The following FAM131B variants were observed in gnomAD, a reference collection of about 807,000 sequenced individuals.
The protein encoded by FAM131B is family with sequence similarity 131 member B.
A neutral mutation model predicts 42.0 loss-of-function variants in FAM131B; 19 were observed. The ratio of observed to expected loss-of-function variants is 0.45; its 90% CI spans 0.32 to 0.66. The LOEUF (loss-of-function observed/expected upper bound fraction) is 0.66. FAM131B is among the 30% of genes least tolerant of loss of function. FAM131B has a pLI of 0.05. For synonymous variants in FAM131B, 183 were observed against 177.6 expected (o/e 1.03, Z -0.24); for missense variants, 370 against 468.4 (o/e 0.79, Z 1.94).
chr7:143,381,719 C>G, the FAM131B span: 2 of 1,602,072 alleles, frequency 1.2e-6, no homozygotes, highest in African/African-American at 2.7e-5. Context: ...TCCCCCGGCA[C>G]CCGGGGCCCA....
the FAM131B span, among the ~76,000 whole-genome samples, chr7:143,371,613 CAAAAAAA>C: frequency 2.7e-5 from 2 of 75,012 alleles, no homozygotes; most frequent in Non-Finnish European, 5.2e-5. Flanking sequence ...GACCCTGTCT[CAAAAAAA>C]AAAAAAAAAA....
upstream of FAM131B, among the ~76,000 whole-genome samples, chr7:143,364,709 T>G (rs149167331): frequency 4.7e-3 from 712 of 152,296 alleles, 3 homozygotes; most frequent in Middle Eastern, 0.014. Context: ...CCTGGCCAGC[T>G]TCCTTCCTGC....
At chr7:143,362,779 G>C (rs1365759082), upstream of FAM131B, 3 of 192,020 alleles carry the variant, frequency 1.6e-5, no homozygotes, top group Non-Finnish European at 2.9e-5. This position sits in a 1 kb window ranked among gnomAD's most constrained non-coding sequence, Gnocchi z 7.7. Context: ...CGCCGCCGCC[G>C]CCGCCGCCGC....
chr7:143,366,801 G>A (rs1346796800), upstream of FAM131B, among the ~76,000 whole-genome samples: 1 of 152,130 alleles, frequency 6.6e-6, no homozygotes, highest in Non-Finnish European at 1.5e-5. Context: ...CAGGCGATCT[G>A]CCCGCCTTGG....
upstream of FAM131B, chr7:143,362,730 C>A (rs988218554): frequency 8.5e-6 from 3 of 351,308 alleles, no homozygotes; most frequent in Non-Finnish European, 1.4e-5. The surrounding 1 kb of genome is among the most constrained non-coding windows in gnomAD (Gnocchi z 7.7). Flanking sequence ...CTCCGCTCCC[C>A]CCTCCCCTCT....
At chr7:143,372,048 G>A in the FAM131B span, among the ~76,000 whole-genome samples, 5 of 152,348 alleles carry the variant, frequency 3.3e-5, no homozygotes, top group East Asian at 9.6e-4. Flanking sequence ...GAGATGTGGA[G>A]AGAGAGGAGA....
the FAM131B span, among the ~76,000 whole-genome samples, chr7:143,371,054 T>C: frequency 6.6e-6 from 1 of 152,196 alleles, no homozygotes; most frequent in Non-Finnish European, 1.5e-5. Context: ...CGGCTGCTCC[T>C]TCTTTGTCTT....
chr7:143,379,359 G>A, the FAM131B span, among the ~76,000 whole-genome samples: 1 of 152,168 alleles, frequency 6.6e-6, no homozygotes, highest in Non-Finnish European at 1.5e-5. Context: ...TGGCTTGAGC[G>A]TGTCAGAGAG....
At chr7:143,361,946 G>C (rs1032224888) in intron 1 of FAM131B, 28 of 366,996 alleles carry the variant, frequency 7.6e-5, no homozygotes, top group Non-Finnish European at 1.0e-4. Context: ...CCCTCCACCC[G>C]GCCCTGGCCC....
chr7:143,368,079 C>T, the FAM131B span, among the ~76,000 whole-genome samples: 1 of 152,214 alleles, frequency 6.6e-6, no homozygotes, highest in Non-Finnish European at 1.5e-5. Context: ...GGAAGAATGT[C>T]AGCGCTTTCC....
At chr7:143,370,869 C>T in the FAM131B span, among the ~76,000 whole-genome samples, 1 of 152,168 alleles carries the variant, frequency 6.6e-6, no homozygotes, top group Non-Finnish European at 1.5e-5. Flanking sequence ...CAAGAACCCT[C>T]TCTTGGGGTC....
rs774486508 is a variant in FAM131B at position 143,356,676 on chromosome 7, C to T, written c.957G>A (p.Arg319=). 1.2e-6 allele frequency: 2 copies of T among 1,614,082 alleles called. No homozygotes were observed. The highest frequency in any genetic ancestry group is 2.2e-5 in the South Asian group (2 of 91,076). The change falls in exon 7 of 7, where the codon CGG becomes CGA. Residue 319 remains arginine, a synonymous_variant. Coordinates refer to ENST00000443739, the MANE Select transcript of FAM131B (RefSeq NM_001031690.3). This position sits in a 1 kb window ranked among gnomAD's most constrained non-coding sequence, Gnocchi z 4.4. ...APEEEEDAGC[R]DLESLSPRED... ...CTCGTGGGGAAAGTGACTCCAGGTCCCGGCATCCCGCATCCTCTTCCTCCT... is the reference window on the plus strand; with the variant it reads ...CTCGTGGGGAAAGTGACTCCAGGTCTCGGCATCCCGCATCCTCTTCCTCCT...
At chr7:143,373,053 G>A in the FAM131B span, among the ~76,000 whole-genome samples, 2 of 151,908 alleles carry the variant, frequency 1.3e-5, no homozygotes, top group South Asian at 2.1e-4. Flanking sequence ...TGGGTATATA[G>A]GCTTACTCAT....
the FAM131B span, among the ~76,000 whole-genome samples, chr7:143,374,132 T>C: frequency 2.6e-5 from 4 of 152,200 alleles, no homozygotes; most frequent in Non-Finnish European, 4.4e-5. Context: ...TGGAGGTAGA[T>C]GACTTATAAA....
rs1178031143 is a variant in FAM131B at position 143,359,443 on chromosome 7, G to A, written c.175-24C>T. ...AGCTGGGATGGGAATGTGGGAGGAA[G>A]GGCAGAGGAATAAGAAGGTACGGGC... On this transcript the variant is annotated intron_variant, in intron 3 of 6. Transcript: ENST00000443739. The surrounding 1 kb of genome is among the most constrained non-coding windows in gnomAD (Gnocchi z 5.4). 2 of 1,569,152 alleles carry A rather than the reference G, an allele frequency of 1.3e-6. No homozygotes were observed. Among genetic ancestry groups the A allele is most frequent in the South Asian group, 1.1e-5 (1 of 89,706 alleles).
the FAM131B span, among the ~76,000 whole-genome samples, chr7:143,374,945 A>G: frequency 6.6e-6 from 1 of 152,102 alleles, no homozygotes; most frequent in Non-Finnish European, 1.5e-5. Context: ...TAACAGTTGC[A>G]GTTTTGCATT....
chr7:143,365,805 C>T (rs1804166646), upstream of FAM131B, among the ~76,000 whole-genome samples: 1 of 152,172 alleles, frequency 6.6e-6, no homozygotes, highest in South Asian at 2.1e-4. Context: ...GGTGGGATTT[C>T]ACCATGTTGT....
At position 143,354,156 on chromosome 7, in the gene FAM131B, T is replaced by G. The variant is rs1356737299; in HGVS notation, c.*2394A>C. 6.6e-6 allele frequency: 1 copy of G among 152,314 alleles called. No homozygotes were observed. The highest frequency in any genetic ancestry group is 1.9e-4 in the East Asian group (1 of 5,142). The allele number at this position is 152,314 out of a possible 1,614,324, so 9.4% of individuals were successfully genotyped here. ...CTCTTCAGAGCGAGTAGGAGCTCCT[T>G]GCAGAAGACAGACCCCCACCTGACT... On this transcript the variant is annotated 3_prime_UTR_variant, in exon 7 of 7. Transcript: ENST00000443739.
the FAM131B span, chr7:143,382,208 A>G: frequency 2.6e-6 from 4 of 1,554,920 alleles, no homozygotes; most frequent in Non-Finnish European, 3.5e-6. Context: ...GGTGAGGGGT[A>G]GAGGGACCCC....
Sources: gnomAD v4.1 joint callset for allele counts (sites outside exome capture counted in the v4.1 genomes callset) on GRCh38, gnomAD v4.1.1 for gene constraint, Gnocchi (gnomAD v3.1) non-coding constraint, MANE v1.5 for transcripts, NCBI Gene and HGNC (gene_info 2026-07-23, HGNC 2026-07-21) for gene names.